Variants in CDYL observed in about 807,000 individuals in gnomAD.
The protein encoded by CDYL is chromodomain Y like, also known as chromodomain Y-like protein.
A neutral mutation model predicts 47.3 loss-of-function variants in CDYL; 8 were observed. The ratio of observed to expected loss-of-function variants is 0.17; its 90% CI spans 0.10 to 0.31. The LOEUF (loss-of-function observed/expected upper bound fraction) is 0.31, where lower values mean the gene tolerates loss of function less well. Ranked by LOEUF, CDYL falls within the 10% of genes least tolerant of loss-of-function variation. The pLI is 1.00. For missense variants in CDYL, 471 were observed against 701.4 expected, an observed-to-expected ratio of 0.67 and a Z score of 3.71; for synonymous variants, 266 against 265.0, an observed-to-expected ratio of 1.00 and a Z score of -0.04.
chr6:4,901,635 C>G lies in CDYL; in HGVS notation c.691+9256C>G, dbSNP rs75638303. Reference sequence around the variant, plus strand: ...CTAGACTCTACGTTAGAACCTACTCCTGACTTCCATTTAGTTCTTTGTACT... The same window carrying G: ...CTAGACTCTACGTTAGAACCTACTCGTGACTTCCATTTAGTTCTTTGTACT... On this transcript the variant is annotated intron_variant, in intron 2 of 6. Coordinates refer to ENST00000397588, the MANE Select transcript of CDYL (RefSeq NM_004824.4). Among the ~76,000 whole-genome samples, 118 of 152,302 alleles carry G rather than the reference C, an allele frequency of 7.7e-4. 3 individuals are homozygous for G. The East Asian group carries it at 0.021, about 28-fold the overall frequency.
chr6:4,733,060 G>A (rs1757638199), intron 2 of CDYL: 1 of 152,280 alleles, frequency 6.6e-6, no homozygotes, highest in Non-Finnish European at 1.5e-5. Flanking sequence ...CCCAGAGCCA[G>A]GAAGCACGTT....
chr6:4,914,996 C>G (rs1757516427), intron 2 of CDYL, among the ~76,000 whole-genome samples: 1 of 152,200 alleles, frequency 6.6e-6, no homozygotes. Context: ...TCACTGTGCC[C>G]TGCCTGTGGT....
intron 1 of CDYL, among the ~76,000 whole-genome samples, chr6:4,801,654 A>G (rs560667386): frequency 7.6e-4 from 115 of 152,052 alleles, no homozygotes; most frequent in Non-Finnish European, 1.3e-3. Context: ...TGTCTGCAAA[A>G]TTTGAAAGTT....
chr6:4,950,113 G>A (rs143110567), intron 5 of CDYL, among the ~76,000 whole-genome samples: 1 of 152,190 alleles, frequency 6.6e-6, no homozygotes, highest in Admixed American at 6.5e-5. Context: ...GTCAACAAAG[G>A]GGGGACGAAA....
chr6:4,946,219 G>A (rs536581688), intron 5 of CDYL, among the ~76,000 whole-genome samples: 4 of 152,122 alleles, frequency 2.6e-5, no homozygotes, highest in Non-Finnish European at 2.9e-5. Flanking sequence ...CCTCCATGGC[G>A]GATGCTCTCA....
intron 2 of CDYL, among the ~76,000 whole-genome samples, chr6:4,933,840 G>A (rs2127518504): frequency 6.6e-6 from 1 of 152,306 alleles, no homozygotes; most frequent in Non-Finnish European, 1.5e-5. Context: ...TCACTGTGTT[G>A]TTGGTCATAT....
chr6:4,724,792 G>C (rs117557644), intron 2 of CDYL: 2 of 152,222 alleles, frequency 1.3e-5, no homozygotes, highest in Non-Finnish European at 2.9e-5. Context: ...CACAAAAGCA[G>C]TGTGGACTCA....
intron 3 of CDYL, among the ~76,000 whole-genome samples, chr6:4,750,386 A>G (rs1424127616): frequency 6.6e-6 from 1 of 151,932 alleles, no homozygotes; most frequent in Non-Finnish European, 1.5e-5. Context: ...TATTTTTAAA[A>G]GAGACGGGGT....
chr6:4,734,066 C>T (rs1214832085), intron 2 of CDYL, among the ~76,000 whole-genome samples: 2 of 152,112 alleles, frequency 1.3e-5, no homozygotes, highest in African/African-American at 4.8e-5. Context: ...TCTCGAATTC[C>T]TGGCCTCAGG....
chr6:4,799,929 G>A lies in CDYL; in HGVS notation c.24+23122G>A, dbSNP rs562507862. On this transcript the variant is annotated intron_variant, in intron 1 of 6. Coordinates refer to ENST00000397588, the MANE Select transcript of CDYL (RefSeq NM_004824.4). ...TTTCCTTTTAAAATCACTATGAAAC[G>A]TCTTTTTTGTTTCTAGTAATACTTT... Among the ~76,000 whole-genome samples the A allele has an allele frequency of 2.4e-4, 36 of 152,186 alleles. 1 individual carries two copies. The South Asian group carries it at 5.0e-3, about 21-fold the overall frequency.
intron 4 of CDYL, among the ~76,000 whole-genome samples, chr6:4,940,011 C>T (rs1254692544): frequency 3.3e-5 from 5 of 152,220 alleles, no homozygotes; most frequent in Non-Finnish European, 7.3e-5. Context: ...TCACTCCTCC[C>T]TCCAGCGTTG....
intron 1 of CDYL, among the ~76,000 whole-genome samples, chr6:4,863,407 C>T (rs953745692): frequency 6.6e-6 from 1 of 151,994 alleles, no homozygotes; most frequent in Non-Finnish European, 1.5e-5. Flanking sequence ...CCTCGCTTTT[C>T]GTGGCAAAAA....
At chr6:4,907,134 G>A (rs1757263080) in intron 2 of CDYL, among the ~76,000 whole-genome samples, 1 of 152,152 alleles carries the variant, frequency 6.6e-6, no homozygotes, top group Admixed American at 6.5e-5. Context: ...ATTAGAAACT[G>A]CTGCTACTCT....
intron 3 of CDYL, among the ~76,000 whole-genome samples, chr6:4,766,468 C>G (rs575211985): frequency 6.6e-6 from 1 of 152,074 alleles, no homozygotes. Context: ...GCCTCAGCCT[C>G]CCAAAGTTCT....
upstream of CDYL, among the ~76,000 whole-genome samples, chr6:4,775,901 C>T (rs1320033235): frequency 6.7e-6 from 1 of 150,366 alleles, no homozygotes; most frequent in Non-Finnish European, 1.5e-5. This position sits in a 1 kb window ranked among gnomAD's most constrained non-coding sequence, Gnocchi z 7.0. Context: ...GCGCGGTAGA[C>T]GGCGCGGCCG....
intron 1 of CDYL, among the ~76,000 whole-genome samples, chr6:4,831,128 A>T (rs533224574): frequency 6.6e-6 from 1 of 152,128 alleles, no homozygotes; most frequent in Non-Finnish European, 1.5e-5. Context: ...CAGTAATGGG[A>T]TGGCTGGGTC....
chr6:4,709,313 A>G (rs1021611644), intron 1 of CDYL, among the ~76,000 whole-genome samples: 1 of 152,064 alleles, frequency 6.6e-6, no homozygotes, highest in African/African-American at 2.4e-5. Context: ...CTCCTGCCTC[A>G]GCCTGCCAAG....
rs1758450399 is a variant in CDYL at position 4,776,444 on chromosome 6, G to GAGCCGCGATCC, written c.-339_-329dup. 6.9e-6 allele frequency: 1 copy of GAGCCGCGATCC among 145,554 alleles called. No homozygotes were observed. Among genetic ancestry groups the GAGCCGCGATCC allele is most frequent in the African/African-American group, 2.5e-5 (1 of 40,436 alleles). The allele number at this position is 145,554 out of a possible 1,614,324, so 9.0% of individuals were successfully genotyped here. The stretch of plus-strand genomic sequence containing the variant: ...GCTTTCTGCACTACACCGGAGAGGG[G>GAGCCGCGATCC]AGCCGCGATCCGGCCGCGCCGCCCG... On this transcript the variant is annotated 5_prime_UTR_variant, in exon 1 of 7. Transcript: ENST00000397588.
chr6:4,724,078 A>C (rs1221735726), intron 2 of CDYL, among the ~76,000 whole-genome samples: 1 of 152,142 alleles, frequency 6.6e-6, no homozygotes, highest in East Asian at 1.9e-4. Context: ...TTGCTCTGAC[A>C]CCCAGGCTCT....
Sources: gnomAD v4.1 joint callset for allele counts (sites outside exome capture counted in the v4.1 genomes callset) on GRCh38, gnomAD v4.1.1 for gene constraint, Gnocchi (gnomAD v3.1) non-coding constraint, MANE v1.5 for transcripts, NCBI Gene and HGNC (gene_info 2026-07-23, HGNC 2026-07-21) for gene names.